Variants in ARHGAP31 observed in about 807,000 individuals in gnomAD.
ARHGAP31 encodes rho GTPase-activating protein 31.
ARHGAP31 carries 34 observed loss-of-function variants against 113.9 expected under a neutral mutation model. The ratio of observed to expected loss-of-function variants is 0.30; its 90% confidence interval spans 0.23 to 0.40. The LOEUF is 0.40. Among genes scored for constraint, ARHGAP31 ranks in the 10% least tolerant of loss-of-function variants. The pLI is 1.00. For synonymous variants in ARHGAP31, 650 were observed against 684.8 expected, an observed-to-expected ratio of 0.95 and a Z score of 0.79; for missense variants, 1,548 against 1,767.1, an observed-to-expected ratio of 0.88 and a Z score of 2.22.
At chr3:119,367,788 C>T (rs546992282) in intron 2 of ARHGAP31, among the ~76,000 whole-genome samples, 7 of 147,164 alleles carry the variant, frequency 4.8e-5, no homozygotes, top group African/African-American at 1.5e-4. Context: ...ACCCGGGAGG[C>T]GGAGGTTGCA....
At chr3:119,398,094 C>A (rs2080567525) in intron 8 of ARHGAP31, among the ~76,000 whole-genome samples, 1 of 151,972 alleles carries the variant, frequency 6.6e-6, no homozygotes, top group Non-Finnish European at 1.5e-5. Context: ...CAGTGAGACC[C>A]TGTTTCTAAA....
In ARHGAP31 at chr3:119,415,359, T is replaced by A. The variant is rs550753172; in HGVS notation, c.3430T>A (p.Trp1144Arg). Residue 1144 changes from tryptophan (W) to arginine (R), a missense_variant, in exon 12 of 12, where the codon TGG becomes AGG. Transcript: ENST00000264245. ...TGAGCCAGGAGACCCAAAGGTCACATGGATGACCTCATCTTACTGTAAAGC... is the reference window on the plus strand; with the variant it reads ...TGAGCCAGGAGACCCAAAGGTCACAAGGATGACCTCATCTTACTGTAAAGC... ...VSEPGDPKVTWMTSSYCKADP... is the reference protein window; with the variant it reads ...VSEPGDPKVTRMTSSYCKADP... The A allele has an allele frequency of 6.2e-7, 1 of 1,613,968 alleles. No homozygotes were observed. Among genetic ancestry groups the A allele is most frequent in the Non-Finnish European group, 8.5e-7 (1 of 1,180,028 alleles).
intron 4 of ARHGAP31, among the ~76,000 whole-genome samples, chr3:119,381,863 T>G (rs975770402): frequency 2.0e-5 from 3 of 152,056 alleles, no homozygotes; most frequent in Admixed American, 6.5e-5. Flanking sequence ...GCGGGCGCCT[T>G]TAGTTCCAGC....
At chr3:119,313,690 C>G (rs1051796238) in intron 1 of ARHGAP31, among the ~76,000 whole-genome samples, 22 of 152,192 alleles carry the variant, frequency 1.4e-4, no homozygotes, top group Admixed American at 1.3e-3. Flanking sequence ...CTGTCTGGCC[C>G]ACAAACTGGT....
chr3:119,374,250 G>A (rs1473353850), intron 3 of ARHGAP31, among the ~76,000 whole-genome samples: 1 of 152,112 alleles, frequency 6.6e-6, no homozygotes, highest in Non-Finnish European at 1.5e-5. Context: ...AGATGAATGA[G>A]TTCTCGCTTA....
chr3:119,393,067 C>A (rs562397031), intron 7 of ARHGAP31, among the ~76,000 whole-genome samples: 2 of 152,242 alleles, frequency 1.3e-5, no homozygotes, highest in Non-Finnish European at 2.9e-5. Context: ...GATAGTGAGA[C>A]CCCCATCTCT....
chr3:119,372,089 G>A (rs2080302925), intron 3 of ARHGAP31, among the ~76,000 whole-genome samples: 1 of 152,046 alleles, frequency 6.6e-6, no homozygotes, highest in Admixed American at 6.6e-5. Context: ...TGCGTCTTAC[G>A]GTAGAACAAT....
intron 3 of ARHGAP31, among the ~76,000 whole-genome samples, chr3:119,378,707 C>G (rs1211313332): frequency 1.3e-5 from 2 of 152,160 alleles, no homozygotes; most frequent in Non-Finnish European, 2.9e-5. Flanking sequence ...CCCTTGGCTC[C>G]CCGGCTCCCC....
chr3:119,416,048 G>T lies in ARHGAP31; in HGVS notation c.4119G>T (p.Leu1373=). Residue 1373 remains leucine (L), a synonymous_variant, in exon 12 of 12, where the codon CTG becomes CTT. Transcript: ENST00000264245. ...CAGTGACAGATTCCAAGGTCCTGCTGTCCCCTATCAGAAGTCCCACCCAGA... is the reference window on the plus strand; with the variant it reads ...CAGTGACAGATTCCAAGGTCCTGCTTTCCCCTATCAGAAGTCCCACCCAGA... The part of the protein sequence containing the change: ...SSTVTDSKVL[L]SPIRSPTQTV... 1 of 1,614,172 alleles carries T rather than the reference G, an allele frequency of 6.2e-7. No individual in the cohort carries two copies. Among genetic ancestry groups the T allele is most frequent in the South Asian group, 1.1e-5 (1 of 91,074 alleles).
chr3:119,414,707 G>T lies in ARHGAP31; in HGVS notation c.2778G>T (p.Ala926=), dbSNP rs61740281. ...TTCACTCTCCCACCCTGAAAGACGC[G>T]CACAAGGCCCAGGTACAGGGCCTTC... The part of the protein sequence containing the change: ...SPLHSPTLKD[A]HKAQVQGLQG... Residue 926 remains alanine, a synonymous_variant, in exon 12 of 12, where the codon GCG becomes GCT. Transcript: ENST00000264245. 9 of 1,614,076 alleles carry T rather than the reference G, an allele frequency of 5.6e-6. 1 individual carries two copies. The South Asian group carries it at 9.9e-5, about 18-fold the overall frequency.
At position 119,337,481 on chromosome 3, in the gene ARHGAP31, A is replaced by T. The variant is rs140544109; in HGVS notation, c.101-27835A>T. 1.8e-3 allele frequency among the ~76,000 whole-genome samples: 268 copies of T among 152,218 alleles called. 2 individuals are homozygous for T. Among genetic ancestry groups the T allele is most frequent in the African/African-American group, 6.2e-3 (258 of 41,464 alleles). On this transcript the variant is annotated intron_variant, in intron 1 of 11. Coordinates refer to ENST00000264245, the MANE Select transcript of ARHGAP31 (RefSeq NM_020754.4). The stretch of plus-strand genomic sequence containing the variant: ...CAACATTTACTGCAAAAAGCAAAAG[A>T]ACAAAGCTTCCACAATACTGACGGG...
chr3:119,336,583 A>G (rs2079950238), intron 1 of ARHGAP31, among the ~76,000 whole-genome samples: 1 of 152,234 alleles, frequency 6.6e-6, no homozygotes, highest in Admixed American at 6.5e-5. Flanking sequence ...TCCTCCCCAC[A>G]AAATATTTTG....
In ARHGAP31 at chr3:119,401,967, C is replaced by T. The variant is rs1038127503; in HGVS notation, c.1215C>T (p.Pro405=). ...EGEWGQEGMP[P]GAEGGFDVSS... is the part of the protein sequence containing the mutation. ...AATGGGGCCAGGAGGGGATGCCTCC[C>T]GGGGCTGAGGGTGGCTTTGATGTGA... Residue 405 remains proline, a synonymous_variant, in exon 10 of 12, where the codon CCC becomes CCT. Coordinates refer to ENST00000264245, the MANE Select transcript of ARHGAP31 (RefSeq NM_020754.4). The T allele has an allele frequency of 6.2e-7, 1 of 1,614,100 alleles. No homozygotes were observed. The highest frequency in any genetic ancestry group is 8.5e-7 in the Non-Finnish European group (1 of 1,180,002).
In ARHGAP31 at chr3:119,402,527, C is replaced by T. The variant is rs2080621545; in HGVS notation, c.1645+130C>T. ...CTCTAGAGCCCGATTGGGTACAAAT[C>T]CACGCTCTGCCATTTTACTGCGTGA... On this transcript the variant is annotated intron_variant, in intron 10 of 11. Transcript: ENST00000264245. The T allele has an allele frequency of 2.8e-5, 26 of 940,172 alleles. 1 individual carries two copies. Among genetic ancestry groups the T allele is most frequent in the South Asian group, 2.5e-4 (18 of 70,856 alleles). 58.2% of individuals were successfully genotyped at this position (940,172 alleles called of 1,614,324 possible). A position where few individuals can be genotyped will look rare whatever the true frequency, so the allele number is the denominator to read the frequency against.
chr3:119,415,168 C>T lies in ARHGAP31; in HGVS notation c.3239C>T (p.Ser1080Leu), dbSNP rs758554437. The T allele has an allele frequency of 5.0e-6, 8 of 1,614,206 alleles. No homozygotes were observed. The highest frequency in any genetic ancestry group is 3.3e-5 in the South Asian group (3 of 91,082). Residue 1080 changes from serine to leucine, a missense_variant, in exon 12 of 12, where the codon TCG (serine) becomes TTG (leucine). Physicochemically the swap from Ser to Leu is moderately radical, Grantham distance 145 (BLOSUM62 -2). Transcript: ENST00000264245. The stretch of plus-strand genomic sequence containing the variant: ...TCACCCAGCGTGCAGGACAGCACTT[C>T]GCCTGGAGAGCACCCCGCAAAGTTA... ...ESSPSVQDSTSPGEHPAKLQL... is the reference protein window; with the variant it reads ...ESSPSVQDSTLPGEHPAKLQL...
chr3:119,330,382 A>T (rs9863675), intron 1 of ARHGAP31, among the ~76,000 whole-genome samples: 53,990 of 152,002 alleles, frequency 0.36, 11,223 homozygotes, highest in African/African-American at 0.58. Context: ...ACAGCATGAT[A>T]ATCCCATGAC....
rs575897381 is a variant in ARHGAP31 at position 119,347,120 on chromosome 3, C to T, written c.101-18196C>T. ...GTCATCCCTTCAAAGGCTCACTGTG[C>T]GCTCACTAAGATGGTGTCATCTGTC... On this transcript the variant is annotated intron_variant, in intron 1 of 11. Transcript: ENST00000264245. Among the ~76,000 whole-genome samples the T allele has an allele frequency of 3.3e-5, 5 of 151,596 alleles. No individual in the cohort carries two copies. The East Asian group carries it at 9.6e-4, about 29-fold the overall frequency.
chr3:119,366,347 T>C (rs908814710), intron 2 of ARHGAP31, among the ~76,000 whole-genome samples: 1 of 152,188 alleles, frequency 6.6e-6, no homozygotes, highest in African/African-American at 2.4e-5. Context: ...TCAGTTTTCA[T>C]ATTCTTTCTC....
rs367819044 is a variant in ARHGAP31 at position 119,413,942 on chromosome 3, G to T, written c.2013G>T (p.Ser671=). ...KIIESEEELS[S]LPPPALKTSP... The stretch of plus-strand genomic sequence containing the variant: ...TTGAATCTGAGGAGGAGCTCTCATC[G>T]TTGCCACCTCCTGCTCTGAAGACCA... The change falls in exon 12 of 12, where the codon TCG becomes TCT. Residue 671 remains serine (S), a synonymous_variant. Coordinates refer to ENST00000264245, the MANE Select transcript of ARHGAP31 (RefSeq NM_020754.4). 2.2e-5 allele frequency: 36 copies of T among 1,614,206 alleles called. No individual in the cohort carries two copies. In the African/African-American group the frequency reaches 4.4e-4, roughly 20 times the overall value.
Sources: allele counts gnomAD v4.1 joint callset (sites outside exome capture counted in the v4.1 genomes callset), GRCh38; gene constraint gnomAD v4.1.1; transcripts MANE v1.5; gene names NCBI Gene and HGNC (gene_info 2026-07-23, HGNC 2026-07-21).